AQR: variants seen among roughly 807,000 people sequenced by gnomAD.
AQR encodes the protein aquarius intron-binding spliceosomal factor.
A neutral mutation model predicts 180.5 loss-of-function variants in AQR; 61 were observed. The observed-to-expected ratio is 0.34, with a 90% CI of 0.28 to 0.42. The LOEUF (loss-of-function observed/expected upper bound fraction) is 0.42. Among genes scored for constraint, AQR ranks in the 10% least tolerant of loss-of-function variants. The pLI is 1.00. For synonymous variants in AQR, 551 were observed against 588.8 expected, an observed-to-expected ratio of 0.94 and a Z score of 0.93; for missense variants, 1,281 against 1,798.3, an observed-to-expected ratio of 0.71 and a Z score of 5.20.
chr15:34,861,852 C>T (rs1892675179), intron 33 of AQR, among the ~76,000 whole-genome samples: 1 of 151,958 alleles, frequency 6.6e-6, no homozygotes, highest in Admixed American at 6.6e-5. Context: ...ATTAAACACA[C>T]AAGATTTAAG....
intron 24 of AQR, among the ~76,000 whole-genome samples, chr15:34,888,147 C>T (rs971834536): frequency 1.1e-4 from 17 of 150,542 alleles, no homozygotes; most frequent in Non-Finnish European, 1.8e-4. Flanking sequence ...AAAATACAAA[C>T]ATTAGCCAGG....
chr15:34,895,187 A>AAAAAAAAAAAAAAAAAGATATAT (rs1555423886), intron 22 of AQR, among the ~76,000 whole-genome samples: 1 of 12,958 alleles, frequency 7.7e-5, no homozygotes, highest in Non-Finnish European at 1.5e-4. Flanking sequence ...AAAAAAAAAA[A>AAAAAAAAAAAAAAAAAGATATAT]ATATATATAT....
At chr15:34,895,872 C>G (rs147097873) in intron 22 of AQR, among the ~76,000 whole-genome samples, 2,732 of 152,042 alleles carry the variant, frequency 0.018, 73 homozygotes, top group African/African-American at 0.058. Context: ...ACATTTATAG[C>G]ACAACCTACT....
At chr15:34,873,683 C>T in intron 30 of AQR, 145 bp downstream of exon 30, 1 of 565,718 alleles carries the variant, frequency 1.8e-6, no homozygotes, top group Admixed American at 3.6e-5. Flanking sequence ...TTTAATCAAT[C>T]TGAAATCGAT....
intron 27 of AQR, among the ~76,000 whole-genome samples, chr15:34,879,754 C>T (rs1321195218): frequency 6.6e-6 from 1 of 152,124 alleles, no homozygotes; most frequent in African/African-American, 2.4e-5. Flanking sequence ...AATGTCCCTT[C>T]TCTCTCACCC....
rs555623203 is a variant in AQR, at chr15:34,856,955, G to C, written c.4295C>G (p.Ala1432Gly). 2.5e-6 allele frequency: 4 copies of C among 1,614,112 alleles called. No individual in the cohort carries two copies. The highest frequency in any genetic ancestry group is 2.7e-5 in the African/African-American group (2 of 75,026). Residue 1432 changes from alanine (A) to glycine (G), a missense_variant, in exon 35 of 35, where the codon GCC becomes GGC. By Grantham distance (60) the Ala-to-Gly change is moderately conservative. Coordinates refer to ENST00000156471, the MANE Select transcript of AQR (RefSeq NM_014691.3). Reference sequence around the variant, plus strand: ...ACTGGGGGTGGTGTCAGTTTGAAAGGCTGGAGTTTCTTGACGGCAGCTGGT... The same window carrying C: ...ACTGGGGGTGGTGTCAGTTTGAAAGCCTGGAGTTTCTTGACGGCAGCTGGT... Reference protein sequence around the residue: ...TDTSCRQETPAFQTDTTPSET... With the variant: ...TDTSCRQETPGFQTDTTPSET...
chr15:34,968,452 G>A (rs2050324446), intron 1 of AQR, among the ~76,000 whole-genome samples: 1 of 151,420 alleles, frequency 6.6e-6, no homozygotes, highest in Admixed American at 6.6e-5. Flanking sequence ...TAGAGACGGG[G>A]TTTCACCGTG....
intron 30 of AQR, among the ~76,000 whole-genome samples, chr15:34,872,611 T>C (rs766294758): frequency 6.6e-6 from 1 of 152,258 alleles, no homozygotes; most frequent in Non-Finnish European, 1.5e-5. Context: ...TGATTTGAAC[T>C]AGGTTCTAAT....
chr15:34,911,122 AG>A (rs1190755240), intron 16 of AQR, among the ~76,000 whole-genome samples: 1 of 152,230 alleles, frequency 6.6e-6, no homozygotes, highest in East Asian at 1.9e-4. Context: ...TCTTTTTAAA[AG>A]GTGAATCATA....
intron 2 of AQR, among the ~76,000 whole-genome samples, chr15:34,963,764 C>T (rs2050294731): frequency 2.0e-5 from 3 of 150,954 alleles, no homozygotes; most frequent in African/African-American, 4.9e-5. Flanking sequence ...CCCAGGTTCA[C>T]GCCATTCTCC....
At position 34,927,082 on chromosome 15, in the gene AQR, T is replaced by C; in HGVS notation, c.1071A>G (p.Ala357=). The C allele has an allele frequency of 1.3e-6, 2 of 1,597,214 alleles. No homozygotes were observed. The highest frequency in any genetic ancestry group is 1.7e-6 in the Non-Finnish European group (2 of 1,171,326). The change falls in exon 13 of 35, where the codon GCA becomes GCG. Residue 357 remains alanine (A), a synonymous_variant. Transcript: ENST00000156471. The part of the protein sequence containing the change: ...ELYDFALSNV[A]EVDTRESLVK... ...CCAAGGACTCCCGAGTATCTACTTC[T>C]GCCACATTTGAGAGGGCAAAATCAT...
intron 22 of AQR, among the ~76,000 whole-genome samples, chr15:34,896,604 T>C (rs980286187): frequency 1.3e-5 from 2 of 149,870 alleles, no homozygotes; most frequent in Admixed American, 6.6e-5. Flanking sequence ...TCCCAACACA[T>C]TGGGAGGCCG....
intron 20 of AQR, 135 bp downstream of exon 20, chr15:34,900,487 G>C: frequency 9.6e-7 from 1 of 1,046,470 alleles, no homozygotes; most frequent in Non-Finnish European, 1.4e-6. Context: ...CCCAGTGATT[G>C]TATGGTGAAG....
At chr15:34,886,787 A>T (rs1595786696) in intron 24 of AQR, 126 bp from the exon 25 acceptor site, 2 of 973,834 alleles carry the variant, frequency 2.1e-6, no homozygotes, top group South Asian at 1.8e-5. Context: ...TATGGCTTCT[A>T]TTTAACTATT....
In AQR at chr15:34,854,202, C is replaced by T. The variant is rs1005382459; in HGVS notation, c.*2590G>A. ...GAAGAAATTCTAAATACTTGAATTG[C>T]TTCATTTCATGCTCATTCTTTTGGG... On this transcript the variant is annotated 3_prime_UTR_variant, in exon 35 of 35. Coordinates refer to ENST00000156471, the MANE Select transcript of AQR (RefSeq NM_014691.3). 1 of 149,016 alleles carries T rather than the reference C, an allele frequency of 6.7e-6. No homozygotes were observed. Among genetic ancestry groups the T allele is most frequent in the Non-Finnish European group, 1.5e-5 (1 of 67,450 alleles). 9.2% of individuals were successfully genotyped at this position (149,016 alleles called of 1,614,324 possible).
intron 16 of AQR, among the ~76,000 whole-genome samples, chr15:34,912,846 C>T (rs1893520870): frequency 6.6e-6 from 1 of 152,086 alleles, no homozygotes; most frequent in Admixed American, 6.6e-5. Context: ...TAAACTGCCT[C>T]CTATGTAAAG....
chr15:34,952,617 T>C (rs540993651), intron 4 of AQR, among the ~76,000 whole-genome samples: 6 of 152,338 alleles, frequency 3.9e-5, no homozygotes, highest in African/African-American at 1.4e-4. Flanking sequence ...CACTGATCAC[T>C]ACAGAAACCA....
rs775649069 is a variant in AQR, at chr15:34,863,052, TAAAC to T, written c.3855-15_3855-12del. On this transcript the variant is annotated splice_polypyrimidine_tract_variant and intron_variant, in intron 32 of 34. Transcript: ENST00000156471. ...AAGCGACGGACATCCCTTTGGGAAA[TAAAC>T]AAAATAATTAGCACACTTCAAGATT... 47 of 1,603,270 alleles carry T rather than the reference TAAAC, an allele frequency of 2.9e-5. No homozygotes were observed. The highest frequency in any genetic ancestry group is 8.1e-5 in the African/African-American group (6 of 73,954).
intron 5 of AQR, among the ~76,000 whole-genome samples, chr15:34,946,857 C>A (rs1387983608): frequency 6.7e-6 from 1 of 148,670 alleles, no homozygotes; most frequent in East Asian, 2.0e-4. Flanking sequence ...CCCCTCTGCC[C>A]AGCCAGCCGC....
Sources: allele counts gnomAD v4.1 joint callset (sites outside exome capture counted in the v4.1 genomes callset), GRCh38; gene constraint gnomAD v4.1.1; transcripts MANE v1.5; gene names NCBI Gene and HGNC (gene_info 2026-07-23, HGNC 2026-07-21).